The following KCNIP1 variants were observed in gnomAD, a reference collection of about 807,000 sequenced individuals.
The protein encoded by KCNIP1 is potassium voltage-gated channel interacting protein 1.
Under a neutral mutation model 33.0 loss-of-function variants are expected in KCNIP1, and 18 were observed. The observed-to-expected ratio is 0.55, with a 90% confidence interval of 0.38 to 0.81. The LOEUF is 0.81. Ranked by LOEUF, KCNIP1 falls within the 30% of genes least tolerant of loss-of-function variation. The probability of loss-of-function intolerance (pLI) is 0.00; values close to 1 mark genes in which losing one functional copy is unlikely to be tolerated. For missense variants in KCNIP1, 238 were observed against 271.6 expected (o/e 0.88, Z 0.87); for synonymous variants, 93 against 98.3 (o/e 0.95, Z 0.32).
chr5:170,379,721 G>C (rs1307550043), intron 1 of KCNIP1, among the ~76,000 whole-genome samples: 3 of 152,154 alleles, frequency 2.0e-5, no homozygotes, highest in Non-Finnish European at 4.4e-5. Flanking sequence ...AGCCGAAGGG[G>C]AAGGATCCCT....
At chr5:170,688,313 C>T (rs1480020844) in intron 1 of KCNIP1, among the ~76,000 whole-genome samples, 1 of 152,168 alleles carries the variant, frequency 6.6e-6, no homozygotes, top group Admixed American at 6.5e-5. Flanking sequence ...CAACTAAGGG[C>T]AAGACTGTGA....
intron 1 of KCNIP1, among the ~76,000 whole-genome samples, chr5:170,600,470 G>A (rs1013004296): frequency 1.1e-4 from 17 of 151,382 alleles, no homozygotes; most frequent in Non-Finnish European, 2.1e-4. Context: ...GCCTTTTTTG[G>A]TGCCCCCAAC....
intron 1 of KCNIP1, among the ~76,000 whole-genome samples, chr5:170,459,615 T>C (rs1372549277): frequency 1.3e-5 from 2 of 152,094 alleles, no homozygotes; most frequent in Non-Finnish European, 2.9e-5. Context: ...GAAATCAAAA[T>C]GCAAATTTAA....
chr5:170,639,737 A>G (rs1174979924), intron 1 of KCNIP1, among the ~76,000 whole-genome samples: 1 of 152,180 alleles, frequency 6.6e-6, no homozygotes, highest in Non-Finnish European at 1.5e-5. Context: ...GTAATTGAAA[A>G]GTCATGATTG....
rs531146739 is a variant in KCNIP1 at position 170,638,799 on chromosome 5, G to T, written c.62-79959G>T. On this transcript the variant is annotated intron_variant, in intron 1 of 7. Transcript: ENST00000328939. ...TGCCCACACTACAACGACAGAGGAA[G>T]CCTCAGGGGAACCCTCCTCCTCTCC... Among the ~76,000 whole-genome samples the T allele has an allele frequency of 2.6e-4, 40 of 152,324 alleles. No individual in the cohort carries two copies. The South Asian group carries it at 3.1e-3, about 12-fold the overall frequency.
At position 170,712,936 on chromosome 5, in the gene KCNIP1, G is replaced by A. The variant is rs772801451; in HGVS notation, c.62-5822G>A. 64 of 1,462,330 alleles carry A rather than the reference G, an allele frequency of 4.4e-5. No individual in the cohort carries two copies. In the East Asian group the frequency reaches 1.4e-3, roughly 31 times the overall value. The allele number at this position is 1,462,330 out of a possible 1,614,324, so 90.6% of individuals were successfully genotyped here. On this transcript the variant is annotated intron_variant, in intron 1 of 7. Coordinates refer to ENST00000328939, the MANE Select transcript of KCNIP1 (RefSeq NM_014592.4). ...GACTTTGGTCACATGACTTGCAAAG[G>A]CAGAGCTTCTTAATCAAGCTCATGT...
At chr5:170,451,257 G>A (rs1049349555) in intron 1 of KCNIP1, among the ~76,000 whole-genome samples, 1 of 152,146 alleles carries the variant, frequency 6.6e-6, no homozygotes, top group African/African-American at 2.4e-5. Flanking sequence ...GCTAATGGGA[G>A]TAACTGTTTA....
At chr5:170,543,375 G>T (rs751983434) in intron 1 of KCNIP1, among the ~76,000 whole-genome samples, 15 of 152,214 alleles carry the variant, frequency 9.9e-5, no homozygotes, top group Non-Finnish European at 1.3e-4. Context: ...AAAGGTTGGA[G>T]TAGGGCCAAA....
At chr5:170,559,580 CT>C (rs958712521) in intron 1 of KCNIP1, among the ~76,000 whole-genome samples, 5 of 152,178 alleles carry the variant, frequency 3.3e-5, no homozygotes, top group Non-Finnish European at 5.9e-5. Context: ...TGTTTGGGTC[CT>C]TCATACGTAC....
intron 1 of KCNIP1, among the ~76,000 whole-genome samples, chr5:170,682,784 C>CTTTTTTTTTTCTTTTTTTTTTTTT (rs1762396898): frequency 1.4e-5 from 1 of 71,388 alleles, no homozygotes. Context: ...TTCTTTGTTT[C>CTTTTTTTTTTCTTTTTTTTTTTTT]TTTTTTTTTT....
At chr5:170,626,042 A>G (rs1036840903) in intron 1 of KCNIP1, among the ~76,000 whole-genome samples, 2 of 152,130 alleles carry the variant, frequency 1.3e-5, no homozygotes, top group African/African-American at 4.8e-5. Flanking sequence ...ATAAGGTTGG[A>G]GAGGAGGCTG....
chr5:170,460,122 C>T (rs1756472802), intron 1 of KCNIP1, among the ~76,000 whole-genome samples: 1 of 152,030 alleles, frequency 6.6e-6, no homozygotes, highest in South Asian at 2.1e-4. Context: ...TAGATACAAC[C>T]CTCCTTGCTT....
At chr5:170,359,397 T>A (rs1452470641) in intron 1 of KCNIP1, among the ~76,000 whole-genome samples, 1 of 152,108 alleles carries the variant, frequency 6.6e-6, no homozygotes, top group East Asian at 1.9e-4. Context: ...GATATCATCA[T>A]CCCTCTACCA....
intron 2 of KCNIP1, among the ~76,000 whole-genome samples, chr5:170,720,115 C>G (rs1171648186): frequency 6.6e-6 from 1 of 152,162 alleles, no homozygotes; most frequent in African/African-American, 2.4e-5. Context: ...CCAAATCTCT[C>G]CACCTCACAG....
At chr5:170,732,732 ACT>A (rs369010704) in intron 5 of KCNIP1, 66 bp from the exon 6 acceptor site, 222 of 1,030,830 alleles carry the variant, frequency 2.2e-4, no homozygotes, top group South Asian at 1.3e-3. Context: ...GGAGCCCCAA[ACT>A]CTGTCACCTA....
At chr5:170,370,490 A>G (rs1763816753) in intron 1 of KCNIP1, among the ~76,000 whole-genome samples, 2 of 152,314 alleles carry the variant, frequency 1.3e-5, no homozygotes, top group East Asian at 1.9e-4. Flanking sequence ...ATACAAAAAC[A>G]TCATTTAGGG....
chr5:170,504,359 C>T lies in KCNIP1; in HGVS notation c.-214C>T, dbSNP rs1754620546. ...AGCGGTTCCGAAGGCTCGCGGGGAG[C>T]GGCTAGCCCTGAGTCCCTGCATGTG... On this transcript the variant is annotated 5_prime_UTR_variant, in exon 1 of 8. Transcript: ENST00000328939. This position sits in a 1 kb window ranked among gnomAD's most constrained non-coding sequence, Gnocchi z 6.0. 1.4e-6 allele frequency: 2 copies of T among 1,394,058 alleles called. No individual in the cohort carries two copies. 86.4% of individuals were successfully genotyped at this position (1,394,058 alleles called of 1,614,324 possible). A position where few individuals can be genotyped will look rare whatever the true frequency, so the allele number is the denominator to read the frequency against.
intron 1 of KCNIP1, among the ~76,000 whole-genome samples, chr5:170,694,662 C>T (rs1485380232): frequency 6.6e-6 from 1 of 152,174 alleles, no homozygotes; most frequent in Non-Finnish European, 1.5e-5. Context: ...GAAATGCACT[C>T]AACACAGCAC....
At chr5:170,580,588 G>A (rs1243092271) in intron 1 of KCNIP1, among the ~76,000 whole-genome samples, 2 of 152,164 alleles carry the variant, frequency 1.3e-5, no homozygotes, top group Non-Finnish European at 2.9e-5. Context: ...GTTCAGGTTG[G>A]CTATCAATGC....
Sources: allele counts gnomAD v4.1 joint callset (sites outside exome capture counted in the v4.1 genomes callset), GRCh38; gene constraint gnomAD v4.1.1; non-coding constraint Gnocchi (gnomAD v3.1); transcripts MANE v1.5; gene names NCBI Gene and HGNC (gene_info 2026-07-23, HGNC 2026-07-21).